The following HSP90AA1 variants were observed in gnomAD, a reference collection of about 807,000 sequenced individuals.
HSP90AA1 encodes the protein heat shock protein HSP 90-alpha.
A neutral mutation model predicts 73.3 loss-of-function variants in HSP90AA1; 18 were observed. That is an observed-to-expected ratio of 0.25 (90% CI 0.17 to 0.36). The LOEUF (loss-of-function observed/expected upper bound fraction) is 0.36, where lower values mean the gene tolerates loss of function less well. Ranked by LOEUF, HSP90AA1 falls within the 10% of genes least tolerant of loss-of-function variation. HSP90AA1 has a pLI of 1.00. For missense variants in HSP90AA1, 704 were observed against 874.2 expected (o/e 0.81, Z 2.45); for synonymous variants, 477 against 296.9 (o/e 1.61, Z -6.24).
At chr14:102,088,952 G>C (rs556991878), upstream of HSP90AA1, among the ~76,000 whole-genome samples, 1 of 150,568 alleles carries the variant, frequency 6.6e-6, no homozygotes, top group Non-Finnish European at 1.5e-5. Flanking sequence ...GGTCCCCCAG[G>C]CTCGAGGGCA....
intron 1 of HSP90AA1, among the ~76,000 whole-genome samples, chr14:102,133,375 G>A (rs939913056): frequency 6.6e-6 from 1 of 152,130 alleles, no homozygotes. Context: ...CACAATTATA[G>A]GGAGTTCAAA....
intron 1 of HSP90AA1, among the ~76,000 whole-genome samples, chr14:102,126,344 C>G (rs1318683789): frequency 6.6e-6 from 1 of 152,070 alleles, no homozygotes; most frequent in East Asian, 1.9e-4. Context: ...AAAAACAAAA[C>G]GCAAAAATAT....
intron 1 of HSP90AA1, 50 bp downstream of exon 1, chr14:102,086,936 C>T (rs2049256017): frequency 6.3e-6 from 6 of 947,562 alleles, no homozygotes; most frequent in South Asian, 4.9e-5. Flanking sequence ...CAGCCGCCCC[C>T]AGTCCCGGTC....
At chr14:102,097,124 T>C (rs1001593421) in intron 2 of HSP90AA1, among the ~76,000 whole-genome samples, 1 of 151,982 alleles carries the variant, frequency 6.6e-6, no homozygotes, top group African/African-American at 2.4e-5. Context: ...ATAGCTGGGA[T>C]TATAGGCGCC....
At position 102,081,484 on chromosome 14, in the gene HSP90AA1, CTG is replaced by C. The variant is rs1301633887; in HGVS notation, c.*226_*227del. On this transcript the variant is annotated 3_prime_UTR_variant, in exon 11 of 11. Coordinates refer to ENST00000216281, the MANE Select transcript of HSP90AA1 (RefSeq NM_005348.4). ...GTCTTACAGTGCACGTTACCCCAAT[CTG>C]TGAAAATAAACCAACATGAAACTCA... 3 of 587,478 alleles carry C rather than the reference CTG, an allele frequency of 5.1e-6. No individual in the cohort carries two copies. Among genetic ancestry groups the C allele is most frequent in the African/African-American group, 3.7e-5 (2 of 53,664 alleles). The allele number at this position is 587,478 out of a possible 1,614,324, so 36.4% of individuals were successfully genotyped here.
At chr14:102,087,633 C>T (rs541699062), upstream of HSP90AA1, among the ~76,000 whole-genome samples, 158 of 152,330 alleles carry the variant, frequency 1.0e-3, 1 homozygote, top group Non-Finnish European at 3.4e-4. Flanking sequence ...GGGCTCTGCC[C>T]TCTGGGGGCT....
chr14:102,127,660 T>C (rs2049855913), intron 1 of HSP90AA1, among the ~76,000 whole-genome samples: 1 of 152,056 alleles, frequency 6.6e-6, no homozygotes, highest in Admixed American at 6.6e-5. Flanking sequence ...TATATACACA[T>C]ACATTTTTTG....
At chr14:102,105,216 A>C (rs1197301073) in intron 1 of HSP90AA1, among the ~76,000 whole-genome samples, 3 of 132,272 alleles carry the variant, frequency 2.3e-5, no homozygotes, top group Non-Finnish European at 4.8e-5. Context: ...CAAAAAAAAA[A>C]AACAAAAAAA....
At chr14:102,127,018 T>C (rs1235853080) in intron 1 of HSP90AA1, among the ~76,000 whole-genome samples, 3 of 148,902 alleles carry the variant, frequency 2.0e-5, no homozygotes, top group African/African-American at 7.4e-5. Flanking sequence ...CTGATGAGGC[T>C]CTTCAGAGAG....
upstream of HSP90AA1, among the ~76,000 whole-genome samples, chr14:102,087,956 T>TTC (rs1459364349): frequency 4.9e-5 from 7 of 142,888 alleles, no homozygotes; most frequent in Non-Finnish European, 9.2e-5. Context: ...TTTTTCTTTT[T>TTC]TTTTTTTTTG....
chr14:102,116,653 AG>A (rs2049710828), intron 1 of HSP90AA1, among the ~76,000 whole-genome samples: 1 of 152,194 alleles, frequency 6.6e-6, no homozygotes, highest in African/African-American at 2.4e-5. Context: ...GGGCATGGGG[AG>A]GAGGTAGAGC....
chr14:102,102,112 A>T (rs1266048507), intron 1 of HSP90AA1: 1 of 1,593,398 alleles, frequency 6.3e-7, no homozygotes, highest in Admixed American at 1.7e-5. Flanking sequence ...AATCTTCTGG[A>T]CTTCCAAACC....
At chr14:102,134,018 G>T (rs1182843285) in intron 1 of HSP90AA1, among the ~76,000 whole-genome samples, 1 of 151,860 alleles carries the variant, frequency 6.6e-6, no homozygotes, top group Non-Finnish European at 1.5e-5. Flanking sequence ...GTGCATGGTG[G>T]CGGGCGCCTG....
Position 102,085,427 on chromosome 14 carries a change from T to C in HSP90AA1, c.534A>G (p.Glu178=). 1 of 1,607,746 alleles carries C rather than the reference T, an allele frequency of 6.2e-7. No homozygotes were observed. The highest frequency in any genetic ancestry group is 8.5e-7 in the Non-Finnish European group (1 of 1,178,168). The change falls in exon 4 of 11, where the codon GAA becomes GAG. Residue 178 remains glutamate, a synonymous_variant. Coordinates refer to ENST00000216281, the MANE Select transcript of HSP90AA1 (RefSeq NM_005348.4). ...TAACTTTTGTTCCACGACCCATAGG[T>C]TCACCTGCAAGAGAAGAAAGAAAAA... The part of the protein sequence containing the change: ...GSFTVRTDTG[E]PMGRGTKVIL...
At chr14:102,126,339 C>T (rs902183202) in intron 1 of HSP90AA1, among the ~76,000 whole-genome samples, 1 of 152,052 alleles carries the variant, frequency 6.6e-6, no homozygotes, top group Non-Finnish European at 1.5e-5. Flanking sequence ...AAGAGAAAAA[C>T]AAAACGCAAA....
chr14:102,135,883 C>G (rs2049987210), intron 1 of HSP90AA1, among the ~76,000 whole-genome samples: 1 of 152,230 alleles, frequency 6.6e-6, no homozygotes, highest in East Asian at 1.9e-4. Context: ...GGTTCCCGCT[C>G]TCGCCTCTCC....
chr14:102,122,333 T>G (rs1049642049), intron 1 of HSP90AA1, among the ~76,000 whole-genome samples: 3 of 146,034 alleles, frequency 2.1e-5, no homozygotes, highest in Admixed American at 7.1e-5. Context: ...CAGGCTGGAG[T>G]GCAGTGGTGT....
chr14:102,126,187 G>A (rs568981500), intron 1 of HSP90AA1, among the ~76,000 whole-genome samples: 6 of 152,140 alleles, frequency 3.9e-5, no homozygotes, highest in East Asian at 1.9e-4. Flanking sequence ...TGGGATGAGC[G>A]GCCTTCTATT....
intron 1 of HSP90AA1, among the ~76,000 whole-genome samples, chr14:102,103,180 C>CAAAAAA (rs898771022): frequency 5.4e-5 from 2 of 37,190 alleles, no homozygotes; most frequent in Non-Finnish European, 5.4e-5. Context: ...GACTCAGTCT[C>CAAAAAA]AAAAAAAAAA....
Sources: allele counts gnomAD v4.1 joint callset (sites outside exome capture counted in the v4.1 genomes callset), GRCh38; gene constraint gnomAD v4.1.1; transcripts MANE v1.5; gene names NCBI Gene and HGNC (gene_info 2026-07-23, HGNC 2026-07-21).